The following MACF1 variants were observed in gnomAD, a reference collection of about 807,000 sequenced individuals.
MACF1 encodes microtubule-actin cross-linking factor 1.
A neutral mutation model predicts 854.8 loss-of-function variants in MACF1; 193 were observed. The observed-to-expected ratio is 0.23, with a 90% CI of 0.20 to 0.25. The LOEUF (loss-of-function observed/expected upper bound fraction) is 0.25, where lower values mean the gene tolerates loss of function less well. Ranked by LOEUF, MACF1 falls within the 10% of genes least tolerant of loss-of-function variation. The pLI, the probability that MACF1 is intolerant of heterozygous loss-of-function variation, is 1.00. For synonymous variants in MACF1, 3,185 were observed against 3,226.7 expected (o/e 0.99, Z 0.44); for missense variants, 7,722 against 8,929.1 (o/e 0.86, Z 5.45).
At chr1:39,126,695 G>T (rs1033589397) in intron 2 of MACF1, among the ~76,000 whole-genome samples, 1 of 151,970 alleles carries the variant, frequency 6.6e-6, no homozygotes, top group Non-Finnish European at 1.5e-5. Flanking sequence ...GCTGAGGCAG[G>T]ACAATCACTT....
Position 39,444,746 on chromosome 1 carries a change from G to A in MACF1, c.19516G>A (p.Asp6506Asn), listed in dbSNP as rs376583802. Residue 6506 changes from aspartate (D) to asparagine (N), a missense_variant, in exon 80 of 101, where the codon GAC becomes AAC. Transcript: ENST00000564288. ...CAGACTCATGCTTCTAAGCCGTGAC[G>A]ACTCTGGGTCTGGCTCCAAGACAGA... ...KGRLMLLSRD[D>N]SGSGSKTEQS... 80 of 1,614,014 alleles carry A rather than the reference G, an allele frequency of 5.0e-5. 1 individual carries two copies. The highest frequency in any genetic ancestry group is 5.6e-5 in the Non-Finnish European group (66 of 1,179,996).
intron 22 of MACF1, among the ~76,000 whole-genome samples, chr1:39,301,865 G>A (rs1479469642): frequency 5.9e-5 from 9 of 152,086 alleles, no homozygotes; most frequent in Admixed American, 3.9e-4. Flanking sequence ...CTCTAGCCAA[G>A]ACTGGGTCAT....
chr1:39,095,912 T>C (rs2148125752), intron 2 of MACF1, among the ~76,000 whole-genome samples: 1 of 152,138 alleles, frequency 6.6e-6, no homozygotes, highest in South Asian at 2.1e-4. Context: ...CTCATGCCTG[T>C]AATCCCAACA....
At chr1:39,225,614 T>A (rs1644707902) in intron 1 of MACF1, among the ~76,000 whole-genome samples, 1 of 152,174 alleles carries the variant, frequency 6.6e-6, no homozygotes, top group Non-Finnish European at 1.5e-5. Context: ...GACAGTAGGG[T>A]TCTCTGCTTC....
chr1:39,248,365 G>C (rs1232607359), intron 2 of MACF1, among the ~76,000 whole-genome samples: 2 of 151,906 alleles, frequency 1.3e-5, no homozygotes, highest in African/African-American at 4.8e-5. Flanking sequence ...AAGGGTCTTG[G>C]TTTGTCACTC....
intron 62 of MACF1, 41 bp from the exon 63 acceptor site, chr1:39,427,920 A>C: frequency 7.0e-7 from 1 of 1,428,798 alleles, no homozygotes. Context: ...CTTTTCATTT[A>C]TTTTGTTTCT....
At position 39,337,213 on chromosome 1, in the gene MACF1, A is replaced by C. The variant is rs370210491; in HGVS notation, c.10097A>C (p.His3366Pro). Reference sequence around the variant, plus strand: ...TTTACCCGGCAACTCTGTTTAGAACATGATGAAAAGCTAGTATCCTATCTG... The same window carrying C: ...TTTACCCGGCAACTCTGTTTAGAACCTGATGAAAAGCTAGTATCCTATCTG... ...NVFTRQLCLEHDEKLVSYLSL... is the reference protein window; with the variant it reads ...NVFTRQLCLEPDEKLVSYLSL... The change falls in exon 38 of 101, where the codon CAT (histidine) becomes CCT (proline). Residue 3366 changes from histidine (H) to proline (P), a missense_variant. By Grantham distance (77) the His-to-Pro change is moderately conservative. Around this residue, in one of 15 missense-constraint regions of MACF1, gnomAD observed 854 missense variants for 852.6 expected, o/e 1.00. Coordinates refer to ENST00000564288, the MANE Select transcript of MACF1 (RefSeq NM_001394062.1). 6.2e-7 allele frequency: 1 copy of C among 1,613,942 alleles called. No individual in the cohort carries two copies. The highest frequency in any genetic ancestry group is 1.3e-5 in the African/African-American group (1 of 75,056).
At chr1:39,412,794 C>A (rs1401773306) in intron 58 of MACF1, 1 of 1,612,562 alleles carries the variant, frequency 6.2e-7, no homozygotes, top group South Asian at 1.1e-5. Flanking sequence ...TACCCACTGT[C>A]AAAGATGCCC....
intron 58 of MACF1, among the ~76,000 whole-genome samples, chr1:39,419,645 T>G (rs1011636975): frequency 9.8e-5 from 15 of 152,346 alleles, no homozygotes; most frequent in Non-Finnish European, 8.8e-5. Context: ...TTTCTTTCTT[T>G]TTTTGAGATG....
At chr1:39,289,980 G>A (rs1431716041) in intron 15 of MACF1, among the ~76,000 whole-genome samples, 2 of 152,030 alleles carry the variant, frequency 1.3e-5, no homozygotes, top group Non-Finnish European at 2.9e-5. Context: ...GATTACAGGC[G>A]TGAGCCACCA....
chr1:39,176,132 G>C (rs1056662701), intron 2 of MACF1, among the ~76,000 whole-genome samples: 1 of 46,194 alleles, frequency 2.2e-5, no homozygotes, highest in Non-Finnish European at 6.6e-5. Context: ...AAAAAAGCCA[G>C]GTGTGGTGGC....
At chr1:39,192,415 C>G (rs531401716) in intron 2 of MACF1, among the ~76,000 whole-genome samples, 3 of 152,268 alleles carry the variant, frequency 2.0e-5, no homozygotes, top group Admixed American at 6.5e-5. Context: ...TATAAGGACT[C>G]ATCACAAAAC....
At chr1:39,181,248 G>GA (rs1644101249) in intron 2 of MACF1, among the ~76,000 whole-genome samples, 1 of 152,168 alleles carries the variant, frequency 6.6e-6, no homozygotes, top group Admixed American at 6.5e-5. Context: ...ATTTTGGGGG[G>GA]ATCCTCCAAA....
intron 6 of MACF1, among the ~76,000 whole-genome samples, chr1:39,278,347 T>A (rs1044176407): frequency 6.6e-6 from 1 of 152,192 alleles, no homozygotes; most frequent in Admixed American, 6.5e-5. Flanking sequence ...ATGGCCCTAA[T>A]CCAAACAGGT....
Position 39,385,802 on chromosome 1 carries a change from G to T in MACF1, c.14217G>T (p.Glu4739Asp). 1 of 1,614,186 alleles carries T rather than the reference G, an allele frequency of 6.2e-7. No homozygotes were observed. The highest frequency in any genetic ancestry group is 8.5e-7 in the Non-Finnish European group (1 of 1,180,034). Residue 4739 changes from glutamate to aspartate, a missense_variant, in exon 57 of 101, where the codon GAG (glutamate) becomes GAT (aspartate). Coordinates refer to ENST00000564288, the MANE Select transcript of MACF1 (RefSeq NM_001394062.1). ...IRSDLEQLDH[E>D]VKEAQTLCDE... ...CTGACTTGGAGCAGTTAGACCACGA[G>T]GTTAAGGAGGCTCAGACACTGTGCG...
At chr1:39,322,790 T>C in intron 32 of MACF1, 75 bp downstream of exon 32, 1 of 1,544,082 alleles carries the variant, frequency 6.5e-7, no homozygotes. Flanking sequence ...CCTTACATTT[T>C]GATTTAGGGC....
chr1:39,319,872 C>CTTCAG, intron 31 of MACF1, 125 bp downstream of exon 31: 1 of 646,830 alleles, frequency 1.5e-6, no homozygotes, highest in Non-Finnish European at 2.6e-6. Flanking sequence ...TGGCCTGATC[C>CTTCAG]TTCAGTTAAG....
chr1:39,454,419 G>A (rs1644396365), intron 88 of MACF1, among the ~76,000 whole-genome samples: 2 of 152,084 alleles, frequency 1.3e-5, no homozygotes, highest in African/African-American at 4.8e-5. Flanking sequence ...CTTTCAGGAG[G>A]GCTGATATTT....
At chr1:39,372,737 C>A in intron 52 of MACF1, 141 bp downstream of exon 52, 1 of 651,872 alleles carries the variant, frequency 1.5e-6, no homozygotes, top group Non-Finnish European at 2.7e-6. Context: ...TCTTCCCCTG[C>A]AACCTGACCT....
Sources: gnomAD v4.1 joint callset for allele counts (sites outside exome capture counted in the v4.1 genomes callset) on GRCh38, gnomAD v4.1.1 for gene constraint, gnomAD v4.1.1 regional missense constraint, MANE v1.5 for transcripts, NCBI Gene and HGNC (gene_info 2026-07-23, HGNC 2026-07-21) for gene names.